Variants in THSD7B observed in about 807,000 individuals in gnomAD.
THSD7B encodes thrombospondin type 1 domain containing 7B, also known as thrombospondin type-1 domain-containing protein 7B.
Under a neutral mutation model 213.6 loss-of-function variants are expected in THSD7B, and 138 were observed. The observed-to-expected ratio is 0.65, with a 90% CI of 0.56 to 0.74. The LOEUF is 0.74. THSD7B is among the 30% of genes least tolerant of loss of function. The pLI is 0.00. For synonymous variants in THSD7B, 742 were observed against 687.0 expected, an observed-to-expected ratio of 1.08 and a Z score of -1.25; for missense variants, 1,931 against 1,991.5, an observed-to-expected ratio of 0.97 and a Z score of 0.58.
At chr2:137,196,857 CT>C (rs2105020083) in intron 7 of THSD7B, among the ~76,000 whole-genome samples, 1 of 152,202 alleles carries the variant, frequency 6.6e-6, no homozygotes, top group African/African-American at 2.4e-5. Context: ...ATAGAAAACG[CT>C]TCTGGTCCCA....
At chr2:137,392,763 T>G (rs886767400) in intron 12 of THSD7B, among the ~76,000 whole-genome samples, 1 of 152,156 alleles carries the variant, frequency 6.6e-6, no homozygotes, top group Non-Finnish European at 1.5e-5. Context: ...AAAAGGAATG[T>G]AAATTTAATC....
At chr2:137,525,484 A>G (rs1440127271) in intron 15 of THSD7B, among the ~76,000 whole-genome samples, 1 of 152,136 alleles carries the variant, frequency 6.6e-6, no homozygotes, top group Non-Finnish European at 1.5e-5. Flanking sequence ...TCCATTTCCC[A>G]GCCACTATAA....
intron 1 of THSD7B, among the ~76,000 whole-genome samples, chr2:136,806,206 A>G (rs746974935): frequency 2.6e-5 from 4 of 152,202 alleles, no homozygotes; most frequent in Admixed American, 6.5e-5. Flanking sequence ...TTTTCAGCCC[A>G]TGACATTTTA....
chr2:137,586,999 A>C (rs575059756), intron 17 of THSD7B, among the ~76,000 whole-genome samples: 13 of 152,070 alleles, frequency 8.5e-5, no homozygotes, highest in Non-Finnish European at 1.8e-4. Context: ...TGGTCTTTTC[A>C]CATAGTCCCA....
At chr2:137,436,252 G>A (rs1464153462) in intron 14 of THSD7B, among the ~76,000 whole-genome samples, 2 of 152,022 alleles carry the variant, frequency 1.3e-5, no homozygotes, top group East Asian at 1.9e-4. Flanking sequence ...CATTTATTGA[G>A]CACTTAAAAT....
At chr2:137,078,503 C>T (rs1205205898) in intron 3 of THSD7B, among the ~76,000 whole-genome samples, 2 of 152,106 alleles carry the variant, frequency 1.3e-5, no homozygotes, top group Non-Finnish European at 2.9e-5. Flanking sequence ...TTTCTCTCCT[C>T]AGCTATTATT....
chr2:137,618,335 A>G, intron 18 of THSD7B, 57 bp from the exon 19 acceptor site: 1 of 1,372,586 alleles, frequency 7.3e-7, no homozygotes, highest in Non-Finnish European at 1.0e-6. Flanking sequence ...GGTCTGTTGT[A>G]TTTTGCTCAC....
intron 10 of THSD7B, among the ~76,000 whole-genome samples, chr2:137,268,743 A>T (rs1682662512): frequency 6.6e-6 from 1 of 152,078 alleles, no homozygotes; most frequent in African/African-American, 2.4e-5. Context: ...GAATGCCTTA[A>T]CCATCTGGAA....
intron 2 of THSD7B, among the ~76,000 whole-genome samples, chr2:136,989,240 C>A (rs937354343): frequency 6.6e-6 from 1 of 152,016 alleles, no homozygotes; most frequent in Non-Finnish European, 1.5e-5. Context: ...ATATTTTGTC[C>A]CCTTCAAATC....
In THSD7B at chr2:137,151,126, C is replaced by T. The variant is rs554472458; in HGVS notation, c.1370-9087C>T. Among the ~76,000 whole-genome samples, 16 of 152,102 alleles carry T rather than the reference C, an allele frequency of 1.1e-4. No homozygotes were observed. The South Asian group carries it at 1.2e-3, about 12-fold the overall frequency. Reference sequence around the variant, plus strand: ...TGCTACACTGAATTTATTTTTAAAACGTCTCTTTTCAATAATAAATTAATC... The same window carrying T: ...TGCTACACTGAATTTATTTTTAAAATGTCTCTTTTCAATAATAAATTAATC... On this transcript the variant is annotated intron_variant, in intron 5 of 27. Transcript: ENST00000409968.
intron 12 of THSD7B, among the ~76,000 whole-genome samples, chr2:137,335,740 G>T (rs1396126748): frequency 6.6e-6 from 1 of 152,130 alleles, no homozygotes; most frequent in Non-Finnish European, 1.5e-5. Context: ...TGGTTTCGAA[G>T]ATTATTGATT....
chr2:137,655,798 A>G, intron 22 of THSD7B, 138 bp downstream of exon 22: 2 of 1,151,630 alleles, frequency 1.7e-6, no homozygotes, highest in South Asian at 1.7e-5. Flanking sequence ...TGTGGTTATC[A>G]CTTTGGTATA....
chr2:137,319,122 ACT>A lies in THSD7B; in HGVS notation c.2500+43101_2500+43102del, dbSNP rs1005709965. Among the ~76,000 whole-genome samples the A allele has an allele frequency of 9.3e-5, 14 of 151,326 alleles. No individual in the cohort carries two copies. The East Asian group carries it at 1.9e-3, about 21-fold the overall frequency. On this transcript the variant is annotated intron_variant, in intron 12 of 27. Coordinates refer to ENST00000409968, the MANE Select transcript of THSD7B (RefSeq NM_001316349.2). Reference sequence around the variant, plus strand: ...TACCTCTTATAAAATATCTTTCTATACTCTCTGCAACTCCACGAAGAAACACG... The same window carrying A: ...TACCTCTTATAAAATATCTTTCTATACTCTGCAACTCCACGAAGAAACACG...
chr2:137,322,783 T>C (rs1416906854), intron 12 of THSD7B, among the ~76,000 whole-genome samples: 2 of 152,224 alleles, frequency 1.3e-5, no homozygotes, highest in Non-Finnish European at 2.9e-5. Flanking sequence ...GAATACTCTC[T>C]AATCCATTCT....
chr2:136,768,018 T>C (rs932541834), intron 1 of THSD7B, among the ~76,000 whole-genome samples: 6 of 152,204 alleles, frequency 3.9e-5, no homozygotes, highest in Admixed American at 2.6e-4. Flanking sequence ...ATATAAACAA[T>C]GTAAATACAG....
chr2:137,489,147 C>G (rs958040303), intron 15 of THSD7B, among the ~76,000 whole-genome samples: 1 of 152,132 alleles, frequency 6.6e-6, no homozygotes, highest in Non-Finnish European at 1.5e-5. Flanking sequence ...AAATGTTGGG[C>G]TGGGTGCGGT....
At chr2:137,669,233 GT>G (rs1683513423) in intron 27 of THSD7B, among the ~76,000 whole-genome samples, 1 of 152,100 alleles carries the variant, frequency 6.6e-6, no homozygotes, top group Admixed American at 6.5e-5. Context: ...TTAACCTCAA[GT>G]TCTGTTTCCA....
chr2:137,127,035 T>C (rs1688641411), intron 5 of THSD7B, among the ~76,000 whole-genome samples: 1 of 151,844 alleles, frequency 6.6e-6, no homozygotes, highest in African/African-American at 2.4e-5. Flanking sequence ...ACATCAAAGA[T>C]CACTGATCAC....
chr2:136,912,321 C>CAAAA lies in THSD7B; in HGVS notation c.139+30028_139+30031dup, dbSNP rs1159184476. On this transcript the variant is annotated intron_variant, in intron 2 of 27. Coordinates refer to ENST00000409968, the MANE Select transcript of THSD7B (RefSeq NM_001316349.2). ...TGGGTGACAGAGCGAGACTCCATCTCAAAAAAAAAAAAAAAAAAAAAAAAA... is the reference window on the plus strand; with the variant it reads ...TGGGTGACAGAGCGAGACTCCATCTCAAAAAAAAAAAAAAAAAAAAAAAAAAAAA... 1.4e-3 allele frequency among the ~76,000 whole-genome samples: 80 copies of CAAAA among 55,800 alleles called. 11 individuals carry two copies. Among genetic ancestry groups the CAAAA allele is most frequent in the African/African-American group, 4.6e-3 (52 of 11,330 alleles). 36.6% of individuals were successfully genotyped at this position (55,800 alleles called of 152,430 possible). A position where few individuals can be genotyped will look rare whatever the true frequency, so the allele number is the denominator to read the frequency against.
Sources: allele counts gnomAD v4.1 joint callset (sites outside exome capture counted in the v4.1 genomes callset), GRCh38; gene constraint gnomAD v4.1.1; transcripts MANE v1.5; gene names NCBI Gene and HGNC (gene_info 2026-07-23, HGNC 2026-07-21).